KMO: variants seen among roughly 807,000 people sequenced by gnomAD.
The protein encoded by KMO is kynurenine 3-monooxygenase.
KMO carries 24 observed loss-of-function variants against 57.8 expected under a neutral mutation model. That is an observed-to-expected ratio of 0.42 (90% confidence interval 0.30 to 0.58). KMO has a LOEUF of 0.58. KMO is among the 20% of genes least tolerant of loss of function. KMO has a pLI of 0.22. For synonymous variants in KMO, 210 were observed against 193.6 expected (o/e 1.08, Z -0.70); for missense variants, 483 against 588.2 (o/e 0.82, Z 1.85).
intron 6 of KMO, among the ~76,000 whole-genome samples, chr1:241,560,978 G>A (rs144551114): frequency 6.6e-6 from 1 of 152,224 alleles, no homozygotes; most frequent in Non-Finnish European, 1.5e-5. Flanking sequence ...CCTTCCTACT[G>A]TACTGTATTC....
intron 10 of KMO, among the ~76,000 whole-genome samples, chr1:241,581,651 C>T (rs1662755058): frequency 6.6e-6 from 1 of 151,792 alleles, no homozygotes; most frequent in African/African-American, 2.4e-5. Flanking sequence ...AAAGAGAAAA[C>T]TAAACAACTC....
chr1:241,545,733 T>G (rs901255032), intron 1 of KMO, among the ~76,000 whole-genome samples: 6 of 152,130 alleles, frequency 3.9e-5, no homozygotes, highest in African/African-American at 1.4e-4. Flanking sequence ...TTCAAAGCAC[T>G]GTGAGAACTC....
rs1349616606 is a variant in KMO at position 241,532,385 on chromosome 1, A to G, written c.-60A>G. ...AGAGAAATCAGTGTGTAGGAGACAC[A>G]GAAATCAGTGTCACTCAGTGACAGA... On this transcript the variant is annotated 5_prime_UTR_variant, in exon 1 of 15. Transcript: ENST00000366559. 1 of 1,610,768 alleles carries G rather than the reference A, an allele frequency of 6.2e-7. No homozygotes were observed. The highest frequency in any genetic ancestry group is 8.5e-7 in the Non-Finnish European group (1 of 1,178,492).
At chr1:241,545,130 C>T (rs1661095931) in intron 1 of KMO, among the ~76,000 whole-genome samples, 2 of 152,142 alleles carry the variant, frequency 1.3e-5, no homozygotes, top group African/African-American at 4.8e-5. Context: ...AATGTAATCT[C>T]TACCATTATT....
intron 5 of KMO, among the ~76,000 whole-genome samples, chr1:241,559,345 C>T (rs908102733): frequency 7.2e-5 from 11 of 152,020 alleles, no homozygotes; most frequent in African/African-American, 2.2e-4. Flanking sequence ...TAGTCTTTGG[C>T]AATGGAACAG....
chr1:241,561,762 T>C (rs959126253), intron 6 of KMO, among the ~76,000 whole-genome samples: 2 of 152,242 alleles, frequency 1.3e-5, no homozygotes, highest in Non-Finnish European at 2.9e-5. Context: ...CCCTACCTTG[T>C]ATTCTTTTCT....
chr1:241,595,556 T>C lies in KMO; in HGVS notation c.*3403T>C, dbSNP rs74949070. On this transcript the variant is annotated 3_prime_UTR_variant, in exon 15 of 15. Coordinates refer to ENST00000366559, the MANE Select transcript of KMO (RefSeq NM_003679.5). ...ATAAATCAAAAGTTAATGTAATTGT[T>C]ATCCCATTATTTAGAGCGAAATAAA... The C allele has an allele frequency of 9.9e-3, 1,502 of 152,356 alleles. 24 individuals carry two copies. The highest frequency in any genetic ancestry group is 0.034 in the African/African-American group (1,406 of 41,584). The allele number at this position is 152,356 out of a possible 1,614,324, so 9.4% of individuals were successfully genotyped here.
At chr1:241,555,487 G>A (rs570827097) in intron 4 of KMO, 125 bp from the exon 5 acceptor site, 1 of 537,148 alleles carries the variant, frequency 1.9e-6, no homozygotes, top group South Asian at 2.8e-5. Flanking sequence ...TAGCGAAATG[G>A]TTATAAAACT....
chr1:241,580,864 A>G (rs1662722594), intron 10 of KMO, among the ~76,000 whole-genome samples: 2 of 152,018 alleles, frequency 1.3e-5, no homozygotes, highest in African/African-American at 4.8e-5. Flanking sequence ...TATTAGGTCC[A>G]TTTCTTACAT....
intron 5 of KMO, among the ~76,000 whole-genome samples, chr1:241,560,094 G>C (rs1231718170): frequency 6.6e-6 from 1 of 152,130 alleles, no homozygotes; most frequent in African/African-American, 2.4e-5. Flanking sequence ...GTGCTAGCAG[G>C]CAAAACAGAA....
Position 241,592,770 on chromosome 1 carries a change from CTATCTATCTATCTATCT to C in KMO, c.*618_*634del. The C allele has an allele frequency of 6.7e-6, 1 of 148,898 alleles. No homozygotes were observed. Among genetic ancestry groups the C allele is most frequent in the Admixed American group, 6.7e-5 (1 of 14,850 alleles). 9.2% of individuals were successfully genotyped at this position (148,898 alleles called of 1,614,324 possible). A position where few individuals can be genotyped will look rare whatever the true frequency, so the allele number is the denominator to read the frequency against. On this transcript the variant is annotated 3_prime_UTR_variant, in exon 15 of 15. Coordinates refer to ENST00000366559, the MANE Select transcript of KMO (RefSeq NM_003679.5). ...ATCTATCTATCATCTATCTATCTAT[CTATCTATCTATCTATCT>C]ATCTATCTATCTCTATTTATTTATG...
intron 5 of KMO, among the ~76,000 whole-genome samples, chr1:241,558,650 A>G (rs1661725881): frequency 1.3e-5 from 2 of 152,012 alleles, no homozygotes; most frequent in African/African-American, 4.8e-5. Flanking sequence ...CTTTTTTCTT[A>G]TAGTACTTCT....
intron 1 of KMO, among the ~76,000 whole-genome samples, chr1:241,542,843 A>G (rs979112770): frequency 1.3e-5 from 2 of 152,142 alleles, no homozygotes; most frequent in African/African-American, 2.4e-5. Flanking sequence ...CAGCTTAACA[A>G]CTCAAGATGG....
chr1:241,551,157 C>A, intron 4 of KMO, 113 bp downstream of exon 4: 1 of 684,196 alleles, frequency 1.5e-6, no homozygotes. Context: ...CATTGCTTGG[C>A]TCAGTCTAGA....
chr1:241,550,741 G>A (rs1301802295), intron 3 of KMO, among the ~76,000 whole-genome samples: 1 of 151,846 alleles, frequency 6.6e-6, no homozygotes, highest in Non-Finnish European at 1.5e-5. Flanking sequence ...ATTTTAAGCC[G>A]GTTCTAAGAT....
chr1:241,592,373 G>A lies in KMO; in HGVS notation c.*220G>A, dbSNP rs975526116. 5 of 546,802 alleles carry A rather than the reference G, an allele frequency of 9.1e-6. No homozygotes were observed. The Admixed American group carries it at 1.3e-4, about 14-fold the overall frequency. The allele number at this position is 546,802 out of a possible 1,614,324, so 33.9% of individuals were successfully genotyped here. ...AGCTTCCCTACATTACACACACTCAGGTTGAGTCATTCTAACTATAAAAGT... is the reference window on the plus strand; with the variant it reads ...AGCTTCCCTACATTACACACACTCAAGTTGAGTCATTCTAACTATAAAAGT... On this transcript the variant is annotated 3_prime_UTR_variant, in exon 15 of 15. Coordinates refer to ENST00000366559, the MANE Select transcript of KMO (RefSeq NM_003679.5).
intron 5 of KMO, among the ~76,000 whole-genome samples, chr1:241,559,720 A>T (rs1661768088): frequency 2.0e-5 from 3 of 152,098 alleles, no homozygotes; most frequent in African/African-American, 7.2e-5. Context: ...TATTTTCCCC[A>T]TTTTTTTCAA....
Position 241,547,583 on chromosome 1 carries a change from C to CAA in KMO, c.55-1231_55-1230dup, listed in dbSNP as rs112450459. 1.5e-3 allele frequency among the ~76,000 whole-genome samples: 133 copies of CAA among 86,020 alleles called. 1 individual carries two copies. In the Middle Eastern group the frequency reaches 0.02, roughly 13 times the overall value. The allele number at this position is 86,020 out of a possible 152,430, so 56.4% of individuals were successfully genotyped here. A position where few individuals can be genotyped will look rare whatever the true frequency, so the allele number is the denominator to read the frequency against. ...TGGGTGACAGAGCGAGACTCTGTCT[C>CAA]AAAAAAAAAAAAAAAAGTGCTCAAC... On this transcript the variant is annotated intron_variant, in intron 1 of 14. Coordinates refer to ENST00000366559, the MANE Select transcript of KMO (RefSeq NM_003679.5).
intron 1 of KMO, among the ~76,000 whole-genome samples, chr1:241,534,290 A>T (rs1660679604): frequency 6.6e-6 from 1 of 152,184 alleles, no homozygotes; most frequent in Admixed American, 6.6e-5. Context: ...TCATTTTAAA[A>T]ATTGTCTCTT....
Sources: gnomAD v4.1 joint callset for allele counts (sites outside exome capture counted in the v4.1 genomes callset) on GRCh38, gnomAD v4.1.1 for gene constraint, MANE v1.5 for transcripts, NCBI Gene and HGNC (gene_info 2026-07-23, HGNC 2026-07-21) for gene names.